The following TTLL4 variants were observed in gnomAD, a reference collection of about 807,000 sequenced individuals.
TTLL4 encodes the protein tubulin monoglutamylase TTLL4.
In TTLL4, 85 loss-of-function variants were observed where a neutral mutation model predicts 122.7. The observed-to-expected ratio is 0.69, with a 90% confidence interval of 0.58 to 0.83. The LOEUF (loss-of-function observed/expected upper bound fraction) is 0.83, where lower values mean the gene tolerates loss of function less well. Among genes scored for constraint, TTLL4 ranks in the 40% least tolerant of loss-of-function variants. The pLI is 0.00. For missense variants in TTLL4, 1,363 were observed against 1,488.6 expected (o/e 0.92, Z 1.39); for synonymous variants, 553 against 563.0 (o/e 0.98, Z 0.25).
rs774884769 is a variant in TTLL4, at chr2:218,738,076, T to TA, written c.400_401insA (p.Phe134TyrfsTer81). 5.6e-6 allele frequency: 9 copies of TA among 1,614,122 alleles called. No individual in the cohort carries two copies. Among genetic ancestry groups the TA allele is most frequent in the South Asian group, 3.3e-5 (3 of 91,080 alleles). On this transcript the variant is annotated frameshift_variant, in exon 3 of 20. Transcript: ENST00000392102. LOFTEE classifies it high-confidence loss of function. ...AAAACCGTACCAGCAACTGGAGTCTTTCTGCTTGCGTTCGAGCCCGTCAGA... is the reference window on the plus strand; with the variant it reads ...AAAACCGTACCAGCAACTGGAGTCTTATCTGCTTGCGTTCGAGCCCGTCAGA...
chr2:218,737,477 A>G (rs555340911), intron 2 of TTLL4, 102 bp from the exon 3 acceptor site: 27 of 562,674 alleles, frequency 4.8e-5, no homozygotes, highest in African/African-American at 4.6e-4. Flanking sequence ...TGGTTGCCCA[A>G]AAATGCTGAA....
intron 1 of TTLL4, among the ~76,000 whole-genome samples, chr2:218,725,753 A>C (rs1432379194): frequency 4.0e-5 from 6 of 151,478 alleles, no homozygotes; most frequent in African/African-American, 1.5e-4. Flanking sequence ...ATGGGGTTTC[A>C]CCGTGTTGGC....
At position 218,738,734 on chromosome 2, in the gene TTLL4, G is replaced by T; in HGVS notation, c.1058G>T (p.Arg353Met). ...LTARGFEKMP[R>M]QGCQLEQSSF... is the part of the protein sequence containing the mutation. ...GCAAGAGGCTTTGAGAAGATGCCGA[G>T]GCAAGGCTGCCAGCTTGAACAGTCT... The change falls in exon 3 of 20, where the codon AGG (arginine) becomes ATG (methionine). Residue 353 changes from arginine (R) to methionine (M), a missense_variant. Physicochemically the swap from Arg to Met is moderately conservative, Grantham distance 91. Transcript: ENST00000392102. The T allele has an allele frequency of 6.2e-7, 1 of 1,614,206 alleles. No individual in the cohort carries two copies.
chr2:218,738,532 G>T lies in TTLL4; in HGVS notation c.856G>T (p.Ala286Ser). Reference protein sequence around the residue: ...TVPADASAHIALSTASSHDTS... With the variant: ...TVPADASAHISLSTASSHDTS... ...CCCAGCTGATGCCAGTGCCCATATCGCCTTGTCTACCGCTAGCTCCCACGA... is the reference window on the plus strand; with the variant it reads ...CCCAGCTGATGCCAGTGCCCATATCTCCTTGTCTACCGCTAGCTCCCACGA... Residue 286 changes from alanine to serine, a missense_variant, in exon 3 of 20, where the codon GCC becomes TCC. This residue lies in a region of TTLL4 where 760 missense variants were observed against 808.4 expected (regional missense o/e 0.94). Coordinates refer to ENST00000392102, the MANE Select transcript of TTLL4 (RefSeq NM_014640.5). 1 of 1,614,088 alleles carries T rather than the reference G, an allele frequency of 6.2e-7. No individual in the cohort carries two copies. The highest frequency in any genetic ancestry group is 1.1e-5 in the South Asian group (1 of 91,078).
intron 2 of TTLL4, among the ~76,000 whole-genome samples, chr2:218,731,944 T>G (rs763099588): frequency 6.6e-6 from 1 of 152,244 alleles, no homozygotes; most frequent in Non-Finnish European, 1.5e-5. Flanking sequence ...GTTTGCCCCT[T>G]AAGCCCTCCT....
intron 3 of TTLL4, among the ~76,000 whole-genome samples, chr2:218,739,480 ACT>A (rs1350405588): frequency 6.6e-6 from 1 of 152,164 alleles, no homozygotes; most frequent in Non-Finnish European, 1.5e-5. Flanking sequence ...AAAAATATTT[ACT>A]CTCTGGTCCT....
chr2:218,753,784 TG>T, intron 19 of TTLL4, 115 bp downstream of exon 19: 5 of 1,178,170 alleles, frequency 4.2e-6, no homozygotes, highest in Non-Finnish European at 6.2e-6. Flanking sequence ...TGGGGGTTGG[TG>T]GGAGCGTCAG....
intron 1 of TTLL4, among the ~76,000 whole-genome samples, chr2:218,715,516 C>G (rs1055304581): frequency 6.6e-6 from 1 of 152,174 alleles, no homozygotes; most frequent in Non-Finnish European, 1.5e-5. Context: ...GGCTGCAAAC[C>G]TGAACAGCAT....
At chr2:218,740,470 T>A (rs1049539648) in intron 4 of TTLL4, 51 bp from the exon 5 acceptor site, 9 of 1,594,616 alleles carry the variant, frequency 5.6e-6, no homozygotes, top group Non-Finnish European at 7.7e-6. Flanking sequence ...CTTGGTAAGT[T>A]TGTGCTGCAG....
chr2:218,746,541 CT>C, intron 8 of TTLL4: 1 of 436,452 alleles, frequency 2.3e-6, no homozygotes, highest in Admixed American at 3.5e-5. Flanking sequence ...CTCCAAGATG[CT>C]TTTTCCTCTA....
At position 218,754,559 on chromosome 2, in the gene TTLL4, G is replaced by T; in HGVS notation, c.*170G>T. ...AGATGGGTATTTGTAGGGCCGGAGG[G>T]ATGGTAGTGATGGGGAGAAGGTGAG... is the stretch of plus-strand genomic sequence containing the variant. On this transcript the variant is annotated 3_prime_UTR_variant, in exon 20 of 20. Transcript: ENST00000392102. 3.5e-6 allele frequency: 3 copies of T among 858,368 alleles called. No homozygotes were observed. The highest frequency in any genetic ancestry group is 3.5e-6 in the Non-Finnish European group (2 of 572,996). 53.2% of individuals were successfully genotyped at this position (858,368 alleles called of 1,614,324 possible).
Position 218,747,545 on chromosome 2 carries a change from CA to C in TTLL4, c.2250-51del, listed in dbSNP as rs1202993825. On this transcript the variant is annotated intron_variant, in intron 10 of 19. Transcript: ENST00000392102. The surrounding 1 kb of genome is among the most constrained non-coding windows in gnomAD (Gnocchi z 4.7). ...TGGCTTTTCCTGTGGCTTGGTTACC[CA>C]CTGAGCCCCATCATCTGGCTGTATG... is the stretch of plus-strand genomic sequence containing the variant. 6.2e-7 allele frequency: 1 copy of C among 1,604,644 alleles called. No homozygotes were observed. The highest frequency in any genetic ancestry group is 1.3e-5 in the African/African-American group (1 of 74,752).
Position 218,738,823 on chromosome 2 carries a change from G to T in TTLL4, c.1147G>T (p.Ala383Ser). 1 of 1,614,204 alleles carries T rather than the reference G, an allele frequency of 6.2e-7. No homozygotes were observed. ...CAGGAGCAGGCGGTGGAAACCTCCT[G>T]CGGTAAATCAGCAGTTTCCTCAGGA... ...LNRSRRWKPP[A>S]VNQQFPQEDA... is the part of the protein sequence containing the mutation. The change falls in exon 3 of 20, where the codon GCG becomes TCG. Residue 383 changes from alanine (A) to serine (S), a missense_variant. By Grantham distance (99) the Ala-to-Ser change is moderately conservative (BLOSUM62 1). This residue lies in a region of TTLL4 where 760 missense variants were observed against 808.4 expected (regional missense o/e 0.94). Coordinates refer to ENST00000392102, the MANE Select transcript of TTLL4 (RefSeq NM_014640.5).
rs1942949351 is a variant in TTLL4, at chr2:218,749,260, C to A, written c.2608C>A (p.Pro870Thr). Residue 870 changes from proline (P) to threonine (T), a missense_variant, in exon 14 of 20, where the codon CCC (proline) becomes ACC (threonine). Pro to Thr is a conservative substitution (Grantham distance 38, BLOSUM62 -1). Around this residue, in one of 3 missense-constraint regions of TTLL4, gnomAD observed 596 missense variants for 655.8 expected, o/e 0.91. Coordinates refer to ENST00000392102, the MANE Select transcript of TTLL4 (RefSeq NM_014640.5). ...VVVKTIISSE[P>T]YVTSLLKMYV... ...CCTCATCCCCATGACCAGGTCAGAG[C>A]CCTATGTGACCAGCCTGCTCAAGAT... 6.2e-7 allele frequency: 1 copy of A among 1,614,090 alleles called. No individual in the cohort carries two copies. Among genetic ancestry groups the A allele is most frequent in the Non-Finnish European group, 8.5e-7 (1 of 1,180,000 alleles).
chr2:218,713,494 G>A (rs1941774077), intron 1 of TTLL4, among the ~76,000 whole-genome samples: 1 of 152,056 alleles, frequency 6.6e-6, no homozygotes, highest in African/African-American at 2.4e-5. Context: ...TGCCCAGGCT[G>A]GTCTCAAATT....
chr2:218,748,561 A>G (rs1479378879), intron 12 of TTLL4: 3 of 428,752 alleles, frequency 7.0e-6, no homozygotes, highest in Non-Finnish European at 8.4e-6. Context: ...AAGTTGAGGC[A>G]GGAGAATCAC....
At chr2:218,748,252 C>T in intron 12 of TTLL4, 25 bp downstream of exon 12, 1 of 1,613,618 alleles carries the variant, frequency 6.2e-7, no homozygotes, top group Non-Finnish European at 8.5e-7. Flanking sequence ...GTGTCCCAGT[C>T]CAGTGAAGGC....
chr2:218,746,034 C>A, intron 7 of TTLL4, 121 bp from the exon 8 acceptor site: 1 of 1,182,806 alleles, frequency 8.5e-7, no homozygotes, highest in Non-Finnish European at 1.3e-6. Flanking sequence ...TGTAGGACAG[C>A]TCCATAGCAA....
chr2:218,740,648 G>T lies in TTLL4; in HGVS notation c.1661+64G>T. The T allele has an allele frequency of 1.9e-6, 3 of 1,570,776 alleles. No homozygotes were observed. The South Asian group carries it at 3.3e-5, about 17-fold the overall frequency. ...TTTTGTCTCTTAAAGATTATAAAGA[G>T]ATAAACCACTCAAGTCATTAATGGC... On this transcript the variant is annotated intron_variant, in intron 5 of 19. Coordinates refer to ENST00000392102, the MANE Select transcript of TTLL4 (RefSeq NM_014640.5).
Sources: gnomAD v4.1 joint callset for allele counts (sites outside exome capture counted in the v4.1 genomes callset) on GRCh38, gnomAD v4.1.1 for gene constraint, gnomAD v4.1.1 regional missense constraint, Gnocchi (gnomAD v3.1) non-coding constraint, MANE v1.5 for transcripts, NCBI Gene and HGNC (gene_info 2026-07-23, HGNC 2026-07-21) for gene names.